Variants in SETDB2 observed in about 807,000 individuals in gnomAD.
SETDB2 encodes the protein histone-lysine N-methyltransferase SETDB2.
SETDB2 carries 56 observed loss-of-function variants against 82.5 expected under a neutral mutation model. The ratio of observed to expected loss-of-function variants is 0.68; its 90% CI spans 0.55 to 0.85. The LOEUF (loss-of-function observed/expected upper bound fraction) is 0.85, where lower values mean the gene tolerates loss of function less well. SETDB2 is among the 40% of genes least tolerant of loss of function. SETDB2 has a pLI of 0.00. For missense variants in SETDB2, 677 were observed against 816.4 expected (o/e 0.83, Z 2.08); for synonymous variants, 272 against 284.9 (o/e 0.95, Z 0.46).
At chr13:49,456,957 G>C (rs538969101) in intron 2 of SETDB2, among the ~76,000 whole-genome samples, 13 of 152,092 alleles carry the variant, frequency 8.5e-5, no homozygotes, top group Non-Finnish European at 1.8e-4. Context: ...GAGATAATAA[G>C]GAAGTCATAA....
chr13:49,471,411 C>G (rs17072965), intron 5 of SETDB2, among the ~76,000 whole-genome samples: 1 of 145,118 alleles, frequency 6.9e-6, no homozygotes, highest in South Asian at 2.2e-4. Context: ...TTTTAGAAGT[C>G]TGAATTCCCT....
At chr13:49,468,469 A>G (rs1382808548) in intron 5 of SETDB2, among the ~76,000 whole-genome samples, 1 of 151,702 alleles carries the variant, frequency 6.6e-6, no homozygotes, top group African/African-American at 2.4e-5. Flanking sequence ...GAATCTAGAT[A>G]CTCTGACACG....
intron 5 of SETDB2, among the ~76,000 whole-genome samples, chr13:49,468,583 A>G (rs1381913463): frequency 1.6e-5 from 2 of 125,302 alleles, no homozygotes; most frequent in Admixed American, 8.3e-5. Flanking sequence ...GTTTCAAAAA[A>G]CAAAGAAGTA....
At chr13:49,468,623 A>G (rs549426402) in intron 5 of SETDB2, among the ~76,000 whole-genome samples, 2 of 151,094 alleles carry the variant, frequency 1.3e-5, no homozygotes, top group East Asian at 3.9e-4. Context: ...TTGTTACCCT[A>G]ATTTCATTTG....
Position 49,448,249 on chromosome 13 carries a change from G to A in SETDB2, c.-341-3304G>A, listed in dbSNP as rs752740018. 2.6e-5 allele frequency among the ~76,000 whole-genome samples: 4 copies of A among 152,056 alleles called. No homozygotes were observed. The South Asian group carries it at 6.2e-4, about 24-fold the overall frequency. On this transcript the variant is annotated intron_variant, in intron 1 of 13. Transcript: ENST00000611815. Reference sequence around the variant, plus strand: ...ATTTTCCTAGAAAATTGTTCAGTTCGTCTGTGCTCAGGTTCATTGACATAA... The same window carrying A: ...ATTTTCCTAGAAAATTGTTCAGTTCATCTGTGCTCAGGTTCATTGACATAA...
rs1217406684 is a variant in SETDB2, at chr13:49,476,732, C to T, written c.562C>T (p.Arg188Ter). ...SYKTPCGRSL[R>*]NVEEVFRYLL... The stretch of plus-strand genomic sequence containing the variant: ...TAAAACCCCTTGTGGAAGGAGTCTA[C>T]GAAACGTGGAGGAAGTTTTTCGTTA... The change falls in exon 6 of 14, where the codon CGA becomes TGA. Residue 188 changes from arginine to a stop codon, truncating the protein, a stop_gained. Coordinates refer to ENST00000611815, the MANE Select transcript of SETDB2 (RefSeq NM_001160308.3). LOFTEE classifies it high-confidence loss of function. The T allele has an allele frequency of 9.3e-6, 15 of 1,614,066 alleles. No homozygotes were observed. The highest frequency in any genetic ancestry group is 2.2e-5 in the East Asian group (1 of 44,894).
rs996598812 is a variant in SETDB2 at position 49,488,352 on chromosome 13, A to T, written c.1639A>T (p.Ile547Leu). 2 of 1,609,950 alleles carry T rather than the reference A, an allele frequency of 1.2e-6. No homozygotes were observed. Among genetic ancestry groups the T allele is most frequent in the East Asian group, 2.2e-5 (1 of 44,872 alleles). Reference sequence around the variant, plus strand: ...TAATCTGCTGATTGAATCAGATGTGATAGATATAACTAAATATAGAGAAGA... The same window carrying T: ...TAATCTGCTGATTGAATCAGATGTGTTAGATATAACTAAATATAGAGAAGA... ...EDNLLIESDVIDITKYREETP... is the reference protein window; with the variant it reads ...EDNLLIESDVLDITKYREETP... Residue 547 changes from isoleucine (I) to leucine (L), a missense_variant, in exon 12 of 14, where the codon ATA (isoleucine) becomes TTA (leucine). By Grantham distance (5) the Ile-to-Leu change is conservative (BLOSUM62 2). Around this residue, in one of 3 missense-constraint regions of SETDB2, gnomAD observed 420 missense variants for 554.6 expected, o/e 0.76. Coordinates refer to ENST00000611815, the MANE Select transcript of SETDB2 (RefSeq NM_001160308.3).
intron 1 of SETDB2, among the ~76,000 whole-genome samples, chr13:49,450,996 A>G (rs1488221566): frequency 6.6e-6 from 1 of 151,288 alleles, no homozygotes; most frequent in African/African-American, 2.4e-5. Context: ...TTAATGTACT[A>G]TAATGTATGC....
intron 1 of SETDB2, chr13:49,446,480 C>A: frequency 2.3e-6 from 1 of 433,020 alleles, no homozygotes; most frequent in Non-Finnish European, 4.5e-6. Context: ...AATACTTACA[C>A]CTTTTAATAC....
intron 5 of SETDB2, among the ~76,000 whole-genome samples, chr13:49,472,520 G>A (rs1176165722): frequency 1.3e-5 from 2 of 152,012 alleles, no homozygotes; most frequent in Non-Finnish European, 1.5e-5. Flanking sequence ...TTTACCTCTA[G>A]CACTTTTAAT....
chr13:49,485,922 G>A (rs1355930063), intron 11 of SETDB2, 199 bp downstream of exon 11: 2 of 692,852 alleles, frequency 2.9e-6, no homozygotes, highest in South Asian at 1.6e-5. Context: ...AGTATGGCAT[G>A]TGAGCTAAGA....
chr13:49,448,002 A>G (rs145921901), intron 1 of SETDB2, among the ~76,000 whole-genome samples: 148 of 152,146 alleles, frequency 9.7e-4, no homozygotes, highest in African/African-American at 3.5e-3. Flanking sequence ...TATCTCATAA[A>G]AAAAAATTGA....
At chr13:49,486,094 G>A (rs969175166) in intron 11 of SETDB2, among the ~76,000 whole-genome samples, 4 of 152,132 alleles carry the variant, frequency 2.6e-5, no homozygotes, top group Non-Finnish European at 5.9e-5. Context: ...GCCAAGGCAG[G>A]AGGGCTGCTT....
Position 49,467,970 on chromosome 13 carries a change from T to C in SETDB2, c.305+10T>C. The C allele has an allele frequency of 6.4e-7, 1 of 1,552,968 alleles. No individual in the cohort carries two copies. Among genetic ancestry groups the C allele is most frequent in the Non-Finnish European group, 8.8e-7 (1 of 1,141,648 alleles). On this transcript the variant is annotated intron_variant, in intron 5 of 13. Coordinates refer to ENST00000611815, the MANE Select transcript of SETDB2 (RefSeq NM_001160308.3). Reference sequence around the variant, plus strand: ...AAGACTGTACATTTCTGTATGTATATAAATTCTTTGTTATTAATGCTTTTG... The same window carrying C: ...AAGACTGTACATTTCTGTATGTATACAAATTCTTTGTTATTAATGCTTTTG...
At chr13:49,471,177 A>G (rs540923422) in intron 5 of SETDB2, among the ~76,000 whole-genome samples, 3 of 149,630 alleles carry the variant, frequency 2.0e-5, no homozygotes, top group Non-Finnish European at 3.0e-5. Context: ...TGGTCTCACT[A>G]TGTTGCCCAG....
At chr13:49,471,935 T>TATGTA (rs561242564) in intron 5 of SETDB2, among the ~76,000 whole-genome samples, 1 of 99,820 alleles carries the variant, frequency 1.0e-5, no homozygotes, top group Non-Finnish European at 1.9e-5. Context: ...TATATATATA[T>TATGTA]TTTTTTTTTT....
intron 4 of SETDB2, among the ~76,000 whole-genome samples, chr13:49,461,801 C>T (rs1300303890): frequency 6.6e-6 from 1 of 152,196 alleles, no homozygotes; most frequent in East Asian, 1.9e-4. Context: ...AACTTGCTCC[C>T]ACTTCAGACA....
At chr13:49,446,613 T>C (rs1957695431) in intron 1 of SETDB2, among the ~76,000 whole-genome samples, 1 of 152,248 alleles carries the variant, frequency 6.6e-6, no homozygotes, top group African/African-American at 2.4e-5. Context: ...ATGTTATTTA[T>C]AGCTCATTAT....
intron 2 of SETDB2, among the ~76,000 whole-genome samples, chr13:49,458,901 T>A (rs1181497183): frequency 2.0e-5 from 3 of 152,250 alleles, no homozygotes; most frequent in Non-Finnish European, 4.4e-5. Flanking sequence ...AAGATCCTTA[T>A]ACCTCTTGGG....
Sources: gnomAD v4.1 joint callset for allele counts (sites outside exome capture counted in the v4.1 genomes callset) on GRCh38, gnomAD v4.1.1 for gene constraint, gnomAD v4.1.1 regional missense constraint, MANE v1.5 for transcripts, NCBI Gene and HGNC (gene_info 2026-07-23, HGNC 2026-07-21) for gene names.